PARP8: variants seen among roughly 807,000 people sequenced by gnomAD.
PARP8 encodes poly(ADP-ribose) polymerase family member 8, also known as protein mono-ADP-ribosyltransferase PARP8.
A neutral mutation model predicts 124.1 loss-of-function variants in PARP8; 51 were observed. The observed-to-expected ratio is 0.41, with a 90% CI of 0.33 to 0.52. The LOEUF (loss-of-function observed/expected upper bound fraction) is 0.52, where lower values mean the gene tolerates loss of function less well. Ranked by LOEUF, PARP8 falls within the 20% of genes least tolerant of loss-of-function variation. The probability of loss-of-function intolerance (pLI) is 0.21; values close to 1 mark genes in which losing one functional copy is unlikely to be tolerated. For missense variants in PARP8, 860 were observed against 1,018.9 expected (o/e 0.84, Z 2.12); for synonymous variants, 391 against 361.5 (o/e 1.08, Z -0.93).
chr5:50,730,529 T>G (rs1756874140), intron 2 of PARP8, among the ~76,000 whole-genome samples: 1 of 152,128 alleles, frequency 6.6e-6, no homozygotes, highest in African/African-American at 2.4e-5. Context: ...ATGATTAAAT[T>G]ACCTCCCACC....
In PARP8 at chr5:50,801,394, A is replaced by G. The variant is rs562616619; in HGVS notation, c.1575+4161A>G. Reference sequence around the variant, plus strand: ...GATTACAGGCGTGAGCCACCATGCTAGGCCTCAAATTATCTATTTTATTTT... The same window carrying G: ...GATTACAGGCGTGAGCCACCATGCTGGGCCTCAAATTATCTATTTTATTTT... On this transcript the variant is annotated intron_variant, in intron 14 of 25. Coordinates refer to ENST00000281631, the MANE Select transcript of PARP8 (RefSeq NM_024615.4). Among the ~76,000 whole-genome samples, 440 of 152,240 alleles carry G rather than the reference A, an allele frequency of 2.9e-3. 2 individuals carry two copies. Among genetic ancestry groups the G allele is most frequent in the African/African-American group, 0.01 (426 of 41,556 alleles).
intron 2 of PARP8, among the ~76,000 whole-genome samples, chr5:50,726,562 C>A (rs1756451109): frequency 1.3e-5 from 2 of 152,158 alleles, no homozygotes; most frequent in African/African-American, 4.8e-5. Flanking sequence ...CCACTGGGAA[C>A]AAAGCCCCAT....
intron 18 of PARP8, among the ~76,000 whole-genome samples, chr5:50,826,197 A>G (rs1232632577): frequency 6.6e-6 from 1 of 151,892 alleles, no homozygotes; most frequent in African/African-American, 2.4e-5. Context: ...AAAACTTATT[A>G]TTTTGTGTGC....
chr5:50,838,569 A>G (rs1236763670), intron 25 of PARP8, among the ~76,000 whole-genome samples: 2 of 152,076 alleles, frequency 1.3e-5, no homozygotes, highest in Non-Finnish European at 2.9e-5. Context: ...TGTACAGCCT[A>G]CATTCCTATG....
At chr5:50,789,198 ATTTTG>A (rs1741658678) in intron 10 of PARP8, among the ~76,000 whole-genome samples, 1 of 152,114 alleles carries the variant, frequency 6.6e-6, no homozygotes, top group Non-Finnish European at 1.5e-5. Context: ...GTGGACCTTG[ATTTTG>A]TTTTATGATC....
chr5:50,754,383 C>T (rs1424551985), intron 3 of PARP8, among the ~76,000 whole-genome samples: 1 of 151,276 alleles, frequency 6.6e-6, no homozygotes, highest in African/African-American at 2.4e-5. Flanking sequence ...CTTTCCTGTG[C>T]CCATGTGTTC....
At chr5:50,688,911 A>G (rs1752172762) in intron 2 of PARP8, among the ~76,000 whole-genome samples, 2 of 152,032 alleles carry the variant, frequency 1.3e-5, no homozygotes, top group African/African-American at 4.8e-5. Context: ...CAAGAAAATG[A>G]TGGTTTGAGT....
Position 50,666,908 on chromosome 5 carries a change from C to A in PARP8, c.-188C>A. On this transcript the variant is annotated 5_prime_UTR_variant, in exon 1 of 26. Coordinates refer to ENST00000281631, the MANE Select transcript of PARP8 (RefSeq NM_024615.4). The stretch of plus-strand genomic sequence containing the variant: ...GGAATGCAAAGCCGACCTCCCCCTC[C>A]TCCTCCTCCTCCCCCTCCTCCTCCT... 7.5e-7 allele frequency: 1 copy of A among 1,332,510 alleles called. No individual in the cohort carries two copies. Among genetic ancestry groups the A allele is most frequent in the Admixed American group, 3.1e-5 (1 of 32,390 alleles). 82.5% of individuals were successfully genotyped at this position (1,332,510 alleles called of 1,614,324 possible). A position where few individuals can be genotyped will look rare whatever the true frequency, so the allele number is the denominator to read the frequency against.
At chr5:50,732,477 TA>T (rs1321473538) in intron 2 of PARP8, among the ~76,000 whole-genome samples, 1 of 152,242 alleles carries the variant, frequency 6.6e-6, no homozygotes, top group African/African-American at 2.4e-5. Context: ...GATATTTGCA[TA>T]AAAAACTAAT....
chr5:50,750,846 T>C (rs886983073), intron 3 of PARP8, among the ~76,000 whole-genome samples: 15 of 152,192 alleles, frequency 9.9e-5, no homozygotes, highest in African/African-American at 3.6e-4. Flanking sequence ...AGGCTATGCC[T>C]ATTTTTAATA....
chr5:50,727,345 T>C (rs1307515856), intron 2 of PARP8, among the ~76,000 whole-genome samples: 4 of 152,122 alleles, frequency 2.6e-5, no homozygotes, highest in Non-Finnish European at 5.9e-5. Flanking sequence ...CCGCTCCTGC[T>C]CCCACTTCCC....
chr5:50,819,641 A>C (rs1745537134), intron 15 of PARP8, among the ~76,000 whole-genome samples: 1 of 151,806 alleles, frequency 6.6e-6, no homozygotes, highest in Non-Finnish European at 1.5e-5. Flanking sequence ...GGGTTTCACC[A>C]CATTGGCCAG....
intron 2 of PARP8, among the ~76,000 whole-genome samples, chr5:50,694,713 G>A (rs1206649028): frequency 6.6e-6 from 1 of 152,162 alleles, no homozygotes; most frequent in Non-Finnish European, 1.5e-5. Flanking sequence ...TTATTAAGGA[G>A]TATTGACTCA....
chr5:50,773,644 T>C (rs1761854425), intron 7 of PARP8, among the ~76,000 whole-genome samples: 1 of 152,204 alleles, frequency 6.6e-6, no homozygotes, highest in South Asian at 2.1e-4. Flanking sequence ...TGGGGTCTTT[T>C]GTGCTTTCAT....
intron 7 of PARP8, among the ~76,000 whole-genome samples, chr5:50,770,379 C>G (rs966321736): frequency 1.3e-5 from 2 of 152,120 alleles, no homozygotes; most frequent in African/African-American, 4.8e-5. Context: ...AGTTTAGTGG[C>G]TCTTTCTTTT....
intron 25 of PARP8, among the ~76,000 whole-genome samples, chr5:50,837,653 A>G (rs1747731313): frequency 6.6e-6 from 1 of 152,106 alleles, no homozygotes; most frequent in Non-Finnish European, 1.5e-5. Context: ...TGAGATGATA[A>G]AACAGTCACA....
intron 2 of PARP8, among the ~76,000 whole-genome samples, chr5:50,695,899 T>C (rs561461856): frequency 1.3e-5 from 2 of 152,300 alleles, no homozygotes; most frequent in African/African-American, 2.4e-5. Context: ...CTATGCATTA[T>C]CTTGATATAT....
chr5:50,676,640 A>T (rs11952107), intron 2 of PARP8, among the ~76,000 whole-genome samples: 2 of 152,164 alleles, frequency 1.3e-5, no homozygotes, highest in African/African-American at 4.8e-5. Context: ...TGAGCAGTCT[A>T]TGTTGGAGTG....
intron 14 of PARP8, among the ~76,000 whole-genome samples, chr5:50,807,178 ACTAT>A (rs1345046898): frequency 6.6e-6 from 1 of 151,748 alleles, no homozygotes; most frequent in Non-Finnish European, 1.5e-5. Flanking sequence ...CTGCTTTTAT[ACTAT>A]CTGTCACTCC....
Sources: gnomAD v4.1 joint callset for allele counts (sites outside exome capture counted in the v4.1 genomes callset) on GRCh38, gnomAD v4.1.1 for gene constraint, MANE v1.5 for transcripts, NCBI Gene and HGNC (gene_info 2026-07-23, HGNC 2026-07-21) for gene names.